Variants in HECW2 observed in about 807,000 individuals in gnomAD.
HECW2 encodes the protein E3 ubiquitin-protein ligase HECW2.
A neutral mutation model predicts 175.2 loss-of-function variants in HECW2; 61 were observed. The observed-to-expected ratio is 0.35, with a 90% CI of 0.28 to 0.43. The LOEUF (loss-of-function observed/expected upper bound fraction) is 0.43, where lower values mean the gene tolerates loss of function less well. Ranked by LOEUF, HECW2 falls within the 20% of genes least tolerant of loss-of-function variation. The pLI, the probability that HECW2 is intolerant of heterozygous loss-of-function variation, is 1.00. For missense variants in HECW2, 1,524 were observed against 2,000.5 expected, an observed-to-expected ratio of 0.76 and a Z score of 4.54; for synonymous variants, 671 against 731.0, an observed-to-expected ratio of 0.92 and a Z score of 1.32.
chr2:196,509,931 C>CG (rs752711501), intron 1 of HECW2, among the ~76,000 whole-genome samples: 28 of 152,210 alleles, frequency 1.8e-4, no homozygotes, highest in Admixed American at 7.2e-4. Context: ...CTCTGAGACT[C>CG]TTTTAAGATA....
At chr2:196,257,642 A>G in intron 18 of HECW2, 181 bp downstream of exon 18, 1 of 586,138 alleles carries the variant, frequency 1.7e-6, no homozygotes, top group Admixed American at 3.2e-5. Flanking sequence ...CAGTGTAACA[A>G]ATGGCAACGT....
chr2:196,296,760 T>C (rs1484637220), intron 13 of HECW2, among the ~76,000 whole-genome samples: 1 of 152,174 alleles, frequency 6.6e-6, no homozygotes, highest in Admixed American at 6.5e-5. Context: ...GTGAAAATAC[T>C]GAAACACACG....
At position 196,319,155 on chromosome 2, in the gene HECW2, C is replaced by T. The variant is rs764851626; in HGVS notation, c.1735G>A (p.Gly579Ser). The change falls in exon 9 of 29, where the codon GGC (glycine) becomes AGC (serine). Residue 579 changes from glycine to serine, a missense_variant. Gly to Ser is a moderately conservative substitution (Grantham distance 56, BLOSUM62 0). Transcript: ENST00000644978. The stretch of plus-strand genomic sequence containing the variant: ...GCATCGGAAGTCCCTGTGTCTGCGC[C>T]ACTTGTGGGCTGATCTACCTCTTGA... ...GSQEVDQPTSGADTGTSDASG... is the reference protein window; with the variant it reads ...GSQEVDQPTSSADTGTSDASG... 2.1e-5 allele frequency: 34 copies of T among 1,593,974 alleles called. No homozygotes were observed. In the Admixed American group the frequency reaches 5.8e-4, roughly 27 times the overall value.
chr2:196,306,292 T>G (rs1419585400), intron 13 of HECW2, among the ~76,000 whole-genome samples, 196 bp downstream of exon 13: 1 of 152,212 alleles, frequency 6.6e-6, no homozygotes, highest in Non-Finnish European at 1.5e-5. Context: ...CAGTGCTTTG[T>G]TATAGCAGCC....
At chr2:196,399,496 C>G (rs971736843) in intron 2 of HECW2, among the ~76,000 whole-genome samples, 1 of 152,188 alleles carries the variant, frequency 6.6e-6, no homozygotes, top group East Asian at 1.9e-4. Flanking sequence ...GAAGGAAGTG[C>G]TAATGAAGAG....
chr2:196,426,974 A>G (rs559120904), intron 2 of HECW2, among the ~76,000 whole-genome samples: 23 of 152,296 alleles, frequency 1.5e-4, no homozygotes, highest in Non-Finnish European at 2.9e-4. Flanking sequence ...CAGTCAAAAT[A>G]CAGTTGTTCT....
intron 13 of HECW2, among the ~76,000 whole-genome samples, chr2:196,298,027 C>A (rs1039463247): frequency 6.6e-6 from 1 of 152,088 alleles, no homozygotes; most frequent in African/African-American, 2.4e-5. Flanking sequence ...TAAGAATATA[C>A]GTATGGATTT....
intron 1 of HECW2, among the ~76,000 whole-genome samples, chr2:196,483,632 C>T (rs776287550): frequency 1.3e-5 from 2 of 152,120 alleles, no homozygotes; most frequent in Non-Finnish European, 1.5e-5. Flanking sequence ...AATATCAAAC[C>T]CTAATTTGCT....
chr2:196,521,282 C>CAAAAAA lies in HECW2; in HGVS notation c.-36+72220_-36+72225dup, dbSNP rs1158051512. ...CATCCTCACTAGGAAACGTGAGTAA[C>CAAAAAA]AAAAAAAAAAAAAAAAAAAAAAAAA... On this transcript the variant is annotated intron_variant, in intron 1 of 28. Transcript: ENST00000644978. Among the ~76,000 whole-genome samples, 381 of 53,264 alleles carry CAAAAAA rather than the reference C, an allele frequency of 7.2e-3. 1 individual carries two copies. Among genetic ancestry groups the CAAAAAA allele is most frequent in the African/African-American group, 0.013 (244 of 18,714 alleles). The allele number at this position is 53,264 out of a possible 152,430, so 34.9% of individuals were successfully genotyped here.
intron 2 of HECW2, chr2:196,361,903 C>G: frequency 5.1e-6 from 5 of 985,388 alleles, no homozygotes; most frequent in Non-Finnish European, 6.0e-6. Flanking sequence ...TAAAATCATA[C>G]ACCTGGCCAA....
chr2:196,360,341 T>C (rs920414722), intron 2 of HECW2, among the ~76,000 whole-genome samples: 1 of 152,152 alleles, frequency 6.6e-6, no homozygotes, highest in African/African-American at 2.4e-5. Context: ...GTAGTACATA[T>C]ACACCATGGG....
rs1441411825 is a variant in HECW2, at chr2:196,395,701, A to AT, written c.292+37430dup. On this transcript the variant is annotated intron_variant, in intron 2 of 28. Transcript: ENST00000644978. The stretch of plus-strand genomic sequence containing the variant: ...CCACTGTGCACCCATTAGGATGACT[A>AT]TGTTTTTTTTTTTTAAAAAAAGAAA... Among the ~76,000 whole-genome samples, 26 of 16,612 alleles carry AT rather than the reference A, an allele frequency of 1.6e-3. No individual in the cohort carries two copies. In the South Asian group the frequency reaches 0.05, roughly 32 times the overall value. 10.9% of individuals were successfully genotyped at this position (16,612 alleles called of 152,430 possible).
At chr2:196,443,427 T>C (rs1228616798) in intron 1 of HECW2, among the ~76,000 whole-genome samples, 1 of 152,214 alleles carries the variant, frequency 6.6e-6, no homozygotes, top group Non-Finnish European at 1.5e-5. Context: ...GGATAGATTG[T>C]GATGAGCCCC....
At chr2:196,431,414 A>G (rs1293510499) in intron 2 of HECW2, among the ~76,000 whole-genome samples, 2 of 152,226 alleles carry the variant, frequency 1.3e-5, no homozygotes, top group Admixed American at 1.3e-4. Context: ...AGATTAAGTT[A>G]TTCGTACACA....
chr2:196,531,107 A>G (rs1428249583), intron 1 of HECW2, among the ~76,000 whole-genome samples: 1 of 152,174 alleles, frequency 6.6e-6, no homozygotes, highest in Non-Finnish European at 1.5e-5. Flanking sequence ...CATTTTACGC[A>G]CTGTGGTTCA....
Position 196,306,441 on chromosome 2 carries a change from C to T in HECW2, c.2814+47G>A, listed in dbSNP as rs758454401. The T allele has an allele frequency of 9.0e-6, 14 of 1,548,830 alleles. No individual in the cohort carries two copies. The African/African-American group carries it at 1.9e-4, about 21-fold the overall frequency. ...TTACTACAGAAACAACGATCATTTG[C>T]TTTGGCCTGCTGTTTTCCTTCACAC... On this transcript the variant is annotated intron_variant, in intron 13 of 28. Transcript: ENST00000644978.
At chr2:196,521,304 A>AAAAAAG (rs1553531650) in intron 1 of HECW2, among the ~76,000 whole-genome samples, 45 of 148,124 alleles carry the variant, frequency 3.0e-4, no homozygotes, top group African/African-American at 1.1e-3. Flanking sequence ...AAAAAAAAAA[A>AAAAAAG]AAAGAAAGAA....
chr2:196,370,855 T>C (rs576193740), intron 2 of HECW2, among the ~76,000 whole-genome samples: 1 of 152,268 alleles, frequency 6.6e-6, no homozygotes, highest in East Asian at 1.9e-4. Flanking sequence ...CTCCCTCCCC[T>C]AAGCGCACAG....
At chr2:196,492,828 C>A (rs1033400017) in intron 1 of HECW2, among the ~76,000 whole-genome samples, 3 of 152,182 alleles carry the variant, frequency 2.0e-5, no homozygotes, top group African/African-American at 7.2e-5. Context: ...AAAACTGCTA[C>A]TTTAACAAAA....
Sources: gnomAD v4.1 joint callset for allele counts (sites outside exome capture counted in the v4.1 genomes callset) on GRCh38, gnomAD v4.1.1 for gene constraint, MANE v1.5 for transcripts, NCBI Gene and HGNC (gene_info 2026-07-23, HGNC 2026-07-21) for gene names.